TNFAIP8: variants seen among roughly 807,000 people sequenced by gnomAD.
TNFAIP8 encodes tumor necrosis factor alpha-induced protein 8.
A neutral mutation model predicts 13.3 loss-of-function variants in TNFAIP8; 7 were observed. The observed-to-expected ratio is 0.52, with a 90% CI of 0.30 to 0.99. TNFAIP8 has a LOEUF of 0.99. Ranked by LOEUF, TNFAIP8 falls within the 50% of genes least tolerant of loss-of-function variation. The pLI is 0.07. For synonymous variants in TNFAIP8, 94 were observed against 87.6 expected (o/e 1.07, Z -0.41); for missense variants, 258 against 236.9 (o/e 1.09, Z -0.58).
At position 119,292,673 on chromosome 5, in the gene TNFAIP8, TATATATATATATACAC is replaced by T. The variant is rs1241890127; in HGVS notation, c.1+23768_1+23783del. ...ATATATATATATATATATATATATATATATATATATATACACACACACACAATGAAATACTATTTAG... is the reference window on the plus strand; with the variant it reads ...ATATATATATATATATATATATATATACACACACAATGAAATACTATTTAG... On this transcript the variant is annotated intron_variant, in intron 1 of 1. Transcript: ENST00000274456. Among the ~76,000 whole-genome samples, 96 of 45,268 alleles carry T rather than the reference TATATATATATATACAC, an allele frequency of 2.1e-3. 4 individuals carry two copies. Among genetic ancestry groups the T allele is most frequent in the African/African-American group, 6.3e-3 (91 of 14,416 alleles). 29.7% of individuals were successfully genotyped at this position (45,268 alleles called of 152,430 possible). A position where few individuals can be genotyped will look rare whatever the true frequency, so the allele number is the denominator to read the frequency against.
At chr5:119,278,353 GAGAGA>G (rs1277089416) in intron 1 of TNFAIP8, among the ~76,000 whole-genome samples, 14 of 115,998 alleles carry the variant, frequency 1.2e-4, no homozygotes, top group African/African-American at 4.1e-4. Flanking sequence ...CAGGAAGGGG[GAGAGA>G]GAGAGAGAGA....
chr5:119,392,795 C>CCT (rs771028192), intron 1 of TNFAIP8, 21 bp from the exon 2 acceptor site: 6 of 1,483,590 alleles, frequency 4.0e-6, no homozygotes, highest in Non-Finnish European at 4.5e-6. Flanking sequence ...TAATTCTTTT[C>CCT]CTCTCTTTTT....
Position 119,397,067 on chromosome 5 carries a change from TATATA to T in TNFAIP8, c.*3690_*3694del, listed in dbSNP as rs906449850. ...ACAGAAATATTGCGTTTTAAACTCT[TATATA>T]ATAGTATGCCATTCACAATTATCTG... On this transcript the variant is annotated 3_prime_UTR_variant, in exon 2 of 2. Transcript: ENST00000504771. 6.6e-6 allele frequency: 1 copy of T among 151,428 alleles called. No individual in the cohort carries two copies. 9.4% of individuals were successfully genotyped at this position (151,428 alleles called of 1,614,324 possible).
intron 1 of TNFAIP8, among the ~76,000 whole-genome samples, chr5:119,299,972 A>G (rs1749311740): frequency 6.6e-6 from 1 of 152,196 alleles, no homozygotes. Context: ...AAAGCGCAGT[A>G]TTAGCGTGGG....
chr5:119,371,473 C>T (rs1186500442), intron 1 of TNFAIP8, among the ~76,000 whole-genome samples: 1 of 152,080 alleles, frequency 6.6e-6, no homozygotes, highest in East Asian at 1.9e-4. Context: ...ACTGCCCTCA[C>T]CGTTCTTTTC....
chr5:119,301,992 A>C (rs1749409975), intron 1 of TNFAIP8, among the ~76,000 whole-genome samples: 1 of 152,230 alleles, frequency 6.6e-6, no homozygotes, highest in Admixed American at 6.5e-5. Flanking sequence ...TTCAGGAATG[A>C]AGGTACCACT....
intron 1 of TNFAIP8, among the ~76,000 whole-genome samples, chr5:119,299,910 A>C (rs1749308025): frequency 6.6e-6 from 1 of 152,220 alleles, no homozygotes; most frequent in Non-Finnish European, 1.5e-5. Context: ...GGACCCTCTG[A>C]GTCAGGTGCG....
intron 1 of TNFAIP8, among the ~76,000 whole-genome samples, chr5:119,292,643 AGCATAT>A (rs1414456363): frequency 6.2e-5 from 3 of 48,002 alleles, no homozygotes; most frequent in African/African-American, 1.7e-4. Context: ...TAATCAATGT[AGCATAT>A]ATATATATAT....
At chr5:119,334,425 G>T (rs250305) in intron 1 of TNFAIP8, among the ~76,000 whole-genome samples, 19 of 151,796 alleles carry the variant, frequency 1.3e-4, no homozygotes, top group Non-Finnish European at 1.5e-5. Context: ...TTTAATACTA[G>T]GGAAAAACTA....
At position 119,371,673 on chromosome 5, in the gene TNFAIP8, G is replaced by A. The variant is rs73241282; in HGVS notation, c.31+15552G>A. On this transcript the variant is annotated intron_variant, in intron 1 of 1. Transcript: ENST00000504771. ...TTTATAATATACATTGTCTAACATC[G>A]GAGAGATAAATTCAGTATTATTTTC... 2.6e-5 allele frequency among the ~76,000 whole-genome samples: 4 copies of A among 152,118 alleles called. No individual in the cohort carries two copies. The East Asian group carries it at 7.7e-4, about 29-fold the overall frequency.
chr5:119,391,928 C>A (rs1752908801), intron 1 of TNFAIP8, among the ~76,000 whole-genome samples: 1 of 152,112 alleles, frequency 6.6e-6, no homozygotes, highest in South Asian at 2.1e-4. Context: ...TATGTATAGC[C>A]ATTATTATGT....
At chr5:119,309,350 A>G (rs1359729242) in intron 1 of TNFAIP8, among the ~76,000 whole-genome samples, 1 of 152,182 alleles carries the variant, frequency 6.6e-6, no homozygotes, top group African/African-American at 2.4e-5. Flanking sequence ...TTAAAGGAAA[A>G]AAAGACTGTA....
At chr5:119,330,079 G>C (rs1289056190) in intron 1 of TNFAIP8, among the ~76,000 whole-genome samples, 3 of 152,096 alleles carry the variant, frequency 2.0e-5, no homozygotes, top group African/African-American at 7.2e-5. Flanking sequence ...GGAGGGGGAA[G>C]CTATAATTAG....
chr5:119,373,419 A>G (rs1413873364), intron 1 of TNFAIP8, among the ~76,000 whole-genome samples: 1 of 152,200 alleles, frequency 6.6e-6, no homozygotes, highest in Non-Finnish European at 1.5e-5. Context: ...CCTCACCGGG[A>G]CGTCAAGACA....
At chr5:119,292,143 TA>T (rs1385036647) in intron 1 of TNFAIP8, among the ~76,000 whole-genome samples, 1 of 151,254 alleles carries the variant, frequency 6.6e-6, no homozygotes, top group African/African-American at 2.4e-5. Context: ...AGGATGGGAG[TA>T]GGGGTGGGAA....
intron 1 of TNFAIP8, among the ~76,000 whole-genome samples, chr5:119,284,980 A>C (rs925709032): frequency 1.3e-5 from 2 of 152,236 alleles, no homozygotes; most frequent in African/African-American, 4.8e-5. Flanking sequence ...ATTTCTTACT[A>C]TCTGTGCCAT....
At chr5:119,316,187 T>C (rs1715011596) in intron 1 of TNFAIP8, 1 of 144,270 alleles carries the variant, frequency 6.9e-6, no homozygotes, top group African/African-American at 2.6e-5. Flanking sequence ...TGAGACAGGA[T>C]CTTCCTGTGT....
rs1303487095 is a variant in TNFAIP8, at chr5:119,395,947, G to A, written c.*2566G>A. 2 of 152,178 alleles carry A rather than the reference G, an allele frequency of 1.3e-5. No homozygotes were observed. Among genetic ancestry groups the A allele is most frequent in the Non-Finnish European group, 2.9e-5 (2 of 68,024 alleles). The allele number at this position is 152,178 out of a possible 1,614,324, so 9.4% of individuals were successfully genotyped here. On this transcript the variant is annotated 3_prime_UTR_variant, in exon 2 of 2. Transcript: ENST00000504771. ...CTGGTGGCTTCTCTGCAAAAATTAT[G>A]AGTGGATATGATAAGTGGATGATAA...
chr5:119,390,502 A>G (rs1752849746), intron 1 of TNFAIP8, among the ~76,000 whole-genome samples: 2 of 152,370 alleles, frequency 1.3e-5, no homozygotes, highest in Non-Finnish European at 1.5e-5. Context: ...TGATAAAAAC[A>G]TAAAACATTA....
Sources: gnomAD v4.1 joint callset for allele counts (sites outside exome capture counted in the v4.1 genomes callset) on GRCh38, gnomAD v4.1.1 for gene constraint, MANE v1.5 for transcripts, NCBI Gene and HGNC (gene_info 2026-07-23, HGNC 2026-07-21) for gene names.